The following ANO6 variants were observed in gnomAD, a reference collection of about 807,000 sequenced individuals.
ANO6 encodes the protein anoctamin-6.
A neutral mutation model predicts 117.5 loss-of-function variants in ANO6; 106 were observed. That is an observed-to-expected ratio of 0.90 (90% confidence interval 0.77 to 1.06). The LOEUF (loss-of-function observed/expected upper bound fraction) is 1.06. Among genes scored for constraint, ANO6 ranks in the 50% least tolerant of loss-of-function variants. The pLI, the probability that ANO6 is intolerant of heterozygous loss-of-function variation, is 0.00. For synonymous variants in ANO6, 367 were observed against 385.1 expected, an observed-to-expected ratio of 0.95 and a Z score of 0.55; for missense variants, 955 against 1,121.1, an observed-to-expected ratio of 0.85 and a Z score of 2.12.
At chr12:45,246,985 G>A (rs1200742834) in intron 1 of ANO6, among the ~76,000 whole-genome samples, 1 of 151,996 alleles carries the variant, frequency 6.6e-6, no homozygotes, top group Admixed American at 6.6e-5. Context: ...AGGCTGGAGT[G>A]CAGTGGCGTG....
At chr12:45,290,683 T>A (rs562072732) in intron 1 of ANO6, among the ~76,000 whole-genome samples, 2 of 152,210 alleles carry the variant, frequency 1.3e-5, no homozygotes, top group Non-Finnish European at 2.9e-5. Context: ...AAATACCAAA[T>A]TGGCAAAATT....
intron 8 of ANO6, among the ~76,000 whole-genome samples, chr12:45,367,070 C>T (rs1274504012): frequency 6.6e-6 from 1 of 152,186 alleles, no homozygotes; most frequent in Non-Finnish European, 1.5e-5. Flanking sequence ...CAACCTCCAC[C>T]TCCCGGGTTC....
chr12:45,338,591 G>A (rs534914804), intron 3 of ANO6, among the ~76,000 whole-genome samples: 74 of 152,100 alleles, frequency 4.9e-4, no homozygotes, highest in South Asian at 4.1e-4. Flanking sequence ...ACTAAAGCAG[G>A]GAGGTCTTTA....
intron 2 of ANO6, among the ~76,000 whole-genome samples, chr12:45,310,477 T>C (rs1376464015): frequency 6.6e-6 from 1 of 152,058 alleles, no homozygotes; most frequent in East Asian, 1.9e-4. Context: ...TTTTGAGTTA[T>C]GTGAGATGAT....
chr12:45,250,039 A>G (rs1947879127), intron 1 of ANO6, among the ~76,000 whole-genome samples: 1 of 152,242 alleles, frequency 6.6e-6, no homozygotes, highest in Non-Finnish European at 1.5e-5. Context: ...TGGGAAGCTC[A>G]GTGTTGCCTT....
At chr12:45,366,076 A>C (rs760054531) in intron 8 of ANO6, among the ~76,000 whole-genome samples, 1 of 149,834 alleles carries the variant, frequency 6.7e-6, no homozygotes, top group Non-Finnish European at 1.5e-5. Flanking sequence ...GCCTATCTGA[A>C]TGGCTTCTCC....
intron 15 of ANO6, among the ~76,000 whole-genome samples, chr12:45,408,253 G>C (rs1399256950): frequency 6.6e-6 from 1 of 152,208 alleles, no homozygotes; most frequent in African/African-American, 2.4e-5. Flanking sequence ...TAATCAGCCA[G>C]TGTATCCAGA....
In ANO6 at chr12:45,421,216, TCAAAAA is replaced by T; in HGVS notation, c.2369_2374del (p.Asn790_Lys791del). The T allele has an allele frequency of 6.2e-7, 1 of 1,614,130 alleles. No homozygotes were observed. Among genetic ancestry groups the T allele is most frequent in the Non-Finnish European group, 8.5e-7 (1 of 1,180,002 alleles). ...CTCTCCATCTTCAAAGTCGCAGACT[TCAAAAA>T]CAAAAGCAAGGGAAACCCGTACTCT... On this transcript the variant is annotated inframe_deletion, in exon 18 of 20. Coordinates refer to ENST00000320560, the MANE Select transcript of ANO6 (RefSeq NM_001025356.3).
intron 1 of ANO6, among the ~76,000 whole-genome samples, chr12:45,253,122 TAGTG>T (rs1937682983): frequency 6.6e-6 from 1 of 152,228 alleles, no homozygotes; most frequent in African/African-American, 2.4e-5. Flanking sequence ...AATTTGTTAA[TAGTG>T]AGACATATAT....
intron 12 of ANO6, among the ~76,000 whole-genome samples, chr12:45,398,821 G>T (rs1460903918): frequency 6.6e-6 from 1 of 152,128 alleles, no homozygotes; most frequent in East Asian, 1.9e-4. Flanking sequence ...AATCCTGAAG[G>T]AATTGTGCCC....
At chr12:45,250,870 G>A (rs1592872186) in intron 1 of ANO6, among the ~76,000 whole-genome samples, 1 of 151,826 alleles carries the variant, frequency 6.6e-6, no homozygotes, top group Non-Finnish European at 1.5e-5. Context: ...GGAACTACAG[G>A]CATGTGTCAC....
chr12:45,320,901 T>A (rs1333304932), intron 2 of ANO6, among the ~76,000 whole-genome samples: 1 of 152,194 alleles, frequency 6.6e-6, no homozygotes, highest in African/African-American at 2.4e-5. Flanking sequence ...TTGATCTTTG[T>A]TGGTTTAAAG....
At chr12:45,255,818 G>GTTTTTTTGTTTTTTTT (rs1555161289) in intron 1 of ANO6, among the ~76,000 whole-genome samples, 1 of 81,712 alleles carries the variant, frequency 1.2e-5, no homozygotes, top group African/African-American at 4.5e-5. Flanking sequence ...CTCCCTGGGT[G>GTTTTTTTGTTTTTTTT]TTTTTTTTTT....
chr12:45,397,802 C>T (rs987827203), intron 12 of ANO6, among the ~76,000 whole-genome samples: 6 of 151,850 alleles, frequency 4.0e-5, no homozygotes, highest in South Asian at 2.1e-4. Flanking sequence ...ACTTGGACAC[C>T]GTGGGGAACA....
chr12:45,418,171 A>T (rs531340580), intron 17 of ANO6, among the ~76,000 whole-genome samples: 89 of 152,354 alleles, frequency 5.8e-4, no homozygotes, highest in African/African-American at 2.1e-3. Flanking sequence ...AGGCACAGGA[A>T]TTCCAAAAGC....
chr12:45,289,858 A>T (rs1949923774), intron 1 of ANO6, among the ~76,000 whole-genome samples: 2 of 152,334 alleles, frequency 1.3e-5, no homozygotes, highest in South Asian at 2.1e-4. Flanking sequence ...GGTTTTGTGT[A>T]ATCTGTTATT....
At chr12:45,422,053 A>T (rs1299154509) in intron 18 of ANO6, among the ~76,000 whole-genome samples, 1 of 152,214 alleles carries the variant, frequency 6.6e-6, no homozygotes, top group Non-Finnish European at 1.5e-5. Flanking sequence ...TGTTACACCT[A>T]GTGGAGCCTC....
intron 3 of ANO6, among the ~76,000 whole-genome samples, chr12:45,344,368 G>A (rs889761224): frequency 6.6e-5 from 10 of 152,194 alleles, no homozygotes; most frequent in Non-Finnish European, 1.2e-4. Context: ...AGAACTACCC[G>A]AGACTGGGTA....
chr12:45,419,590 T>G (rs1943304538), intron 17 of ANO6, among the ~76,000 whole-genome samples: 1 of 152,168 alleles, frequency 6.6e-6, no homozygotes, highest in Non-Finnish European at 1.5e-5. Context: ...TTGCCTGAGA[T>G]TTGGTTTGTG....
Sources: allele counts gnomAD v4.1 joint callset (sites outside exome capture counted in the v4.1 genomes callset), GRCh38; gene constraint gnomAD v4.1.1; transcripts MANE v1.5; gene names NCBI Gene and HGNC (gene_info 2026-07-23, HGNC 2026-07-21).